Variants in C14orf132 observed in about 807,000 individuals in gnomAD.
C14orf132 encodes uncharacterized protein C14orf132.
A neutral mutation model predicts 5.8 loss-of-function variants in C14orf132; 6 were observed. The observed-to-expected ratio is 1.03, with a 90% confidence interval of 0.57 to 2.04. The LOEUF is 2.04. Among genes scored for constraint, C14orf132 ranks in the 30% most tolerant of loss-of-function variants. The pLI, the probability that C14orf132 is intolerant of heterozygous loss-of-function variation, is 0.00. For synonymous variants in C14orf132, 51 were observed against 49.8 expected, an observed-to-expected ratio of 1.02 and a Z score of -0.10; for missense variants, 125 against 115.8, an observed-to-expected ratio of 1.08 and a Z score of -0.37.
intron 1 of C14orf132, among the ~76,000 whole-genome samples, chr14:96,059,990 G>A (rs1458246784): frequency 6.6e-6 from 1 of 152,172 alleles, no homozygotes; most frequent in African/African-American, 2.4e-5. Context: ...GCTCCCCATA[G>A]TGGTGCCCCA....
Position 96,088,853 on chromosome 14 carries a change from C to T in C14orf132, c.*2118C>T, listed in dbSNP as rs1888292718. On this transcript the variant is annotated 3_prime_UTR_variant, in exon 2 of 2. Transcript: ENST00000555004. ...GGAGGAAAAAGGATGGCTTCTAGCCCTGAAGAGGACTCCAGCATCCCAGGC... is the reference window on the plus strand; with the variant it reads ...GGAGGAAAAAGGATGGCTTCTAGCCTTGAAGAGGACTCCAGCATCCCAGGC... 1.3e-5 allele frequency: 2 copies of T among 152,286 alleles called. No individual in the cohort carries two copies. Among genetic ancestry groups the T allele is most frequent in the Admixed American group, 1.3e-4 (2 of 15,288 alleles). 9.4% of individuals were successfully genotyped at this position (152,286 alleles called of 1,614,324 possible). A position where few individuals can be genotyped will look rare whatever the true frequency, so the allele number is the denominator to read the frequency against.
chr14:96,062,084 AGCTGGTCCGGTCCTTTG>A lies in C14orf132; in HGVS notation c.27+22561_27+22577del, dbSNP rs1887375843. Among the ~76,000 whole-genome samples the A allele has an allele frequency of 2.0e-5, 3 of 152,152 alleles. No individual in the cohort carries two copies. The South Asian group carries it at 6.2e-4, about 32-fold the overall frequency. Reference sequence around the variant, plus strand: ...CTTTCTGAGGATAAACCCTCTATCCAGCTGGTCCGGTCCTTTGGCTCATGTTGAAGTCAAAAGCCCTT... The same window carrying A: ...CTTTCTGAGGATAAACCCTCTATCCAGCTCATGTTGAAGTCAAAAGCCCTT... On this transcript the variant is annotated intron_variant, in intron 1 of 1. Transcript: ENST00000555004.
intron 1 of C14orf132, among the ~76,000 whole-genome samples, chr14:96,066,722 T>C (rs1395249030): frequency 1.3e-5 from 2 of 152,190 alleles, no homozygotes; most frequent in South Asian, 2.1e-4. Context: ...CACAGTTAAC[T>C]ATAATGTAAT....
In C14orf132 at chr14:96,092,834, T is replaced by A. The variant is rs1432521692; in HGVS notation, c.*6099T>A. ...AGGAAGGGCTGGGGGCCATCAGCAA[T>A]GTCTGGAGACATTTTTGATTCTCAC... On this transcript the variant is annotated 3_prime_UTR_variant, in exon 2 of 2. Transcript: ENST00000555004. 2 of 152,214 alleles carry A rather than the reference T, an allele frequency of 1.3e-5. No homozygotes were observed. The highest frequency in any genetic ancestry group is 2.9e-5 in the Non-Finnish European group (2 of 68,054). The allele number at this position is 152,214 out of a possible 1,614,324, so 9.4% of individuals were successfully genotyped here.
intron 1 of C14orf132, among the ~76,000 whole-genome samples, chr14:96,055,722 G>A (rs780624333): frequency 1.1e-4 from 16 of 152,188 alleles, no homozygotes; most frequent in African/African-American, 2.9e-4. Flanking sequence ...CCTCCTCACC[G>A]TGCCTGGTAC....
Position 96,086,851 on chromosome 14 carries a change from C to T in C14orf132, c.*116C>T, listed in dbSNP as rs1888210747. 2 of 1,027,226 alleles carry T rather than the reference C, an allele frequency of 1.9e-6. No individual in the cohort carries two copies. The highest frequency in any genetic ancestry group is 1.6e-5 in the South Asian group (1 of 60,806). 63.6% of individuals were successfully genotyped at this position (1,027,226 alleles called of 1,614,324 possible). A position where few individuals can be genotyped will look rare whatever the true frequency, so the allele number is the denominator to read the frequency against. ...AGGAGTTTTGACCAGGGGCGGCGGC[C>T]GTCCTTCTGGAATTTCTCCCCAGCA... On this transcript the variant is annotated 3_prime_UTR_variant, in exon 2 of 2. Transcript: ENST00000555004.
At chr14:96,069,400 G>A (rs1244241394) in intron 1 of C14orf132, among the ~76,000 whole-genome samples, 1 of 151,362 alleles carries the variant, frequency 6.6e-6, no homozygotes, top group African/African-American at 2.4e-5. Flanking sequence ...AAAGTATACC[G>A]TGATACTCAG....
At chr14:96,072,778 A>C (rs1286358691) in intron 1 of C14orf132, among the ~76,000 whole-genome samples, 1 of 152,200 alleles carries the variant, frequency 6.6e-6, no homozygotes, top group African/African-American at 2.4e-5. Flanking sequence ...AACCTAATGC[A>C]TTTGAGATTC....
intron 1 of C14orf132, among the ~76,000 whole-genome samples, chr14:96,045,879 C>T (rs184919700): frequency 9.9e-5 from 15 of 152,276 alleles, no homozygotes; most frequent in African/African-American, 2.2e-4. Flanking sequence ...TGTTTTTGCC[C>T]GAGTGGCATC....
chr14:96,054,707 T>G (rs777373432), intron 1 of C14orf132, among the ~76,000 whole-genome samples: 1 of 152,318 alleles, frequency 6.6e-6, no homozygotes, highest in Non-Finnish European at 1.5e-5. Context: ...AATGTAGCCA[T>G]TTTCCTCAAC....
intron 1 of C14orf132, among the ~76,000 whole-genome samples, chr14:96,060,411 C>G (rs926384110): frequency 1.3e-5 from 2 of 152,196 alleles, no homozygotes; most frequent in Non-Finnish European, 2.9e-5. Flanking sequence ...GGCACGGTGA[C>G]CACTGACCAG....
rs371905030 is a variant in C14orf132 at position 96,083,391 on chromosome 14, C to T, written c.28-3120C>T. On this transcript the variant is annotated intron_variant, in intron 1 of 1. Coordinates refer to ENST00000555004, the MANE Select transcript of C14orf132 (RefSeq NM_001252507.3). ...GTGATGCCCCCACCAAGGATGTCCA[C>T]GTCCTAACCCCTAGAACCTGTGGAT... is the stretch of plus-strand genomic sequence containing the variant. Among the ~76,000 whole-genome samples, 21 of 152,278 alleles carry T rather than the reference C, an allele frequency of 1.4e-4. No homozygotes were observed. In the East Asian group the frequency reaches 4.1e-3, roughly 29 times the overall value.
At chr14:96,053,098 T>TGGGAG (rs1887075798) in intron 1 of C14orf132, among the ~76,000 whole-genome samples, 23 of 152,332 alleles carry the variant, frequency 1.5e-4, no homozygotes, top group Admixed American at 1.4e-3. Context: ...CTGGGATGGC[T>TGGGAG]GGTCACCCTA....
intron 1 of C14orf132, among the ~76,000 whole-genome samples, chr14:96,074,593 A>G (rs1156531030): frequency 6.6e-6 from 1 of 150,850 alleles, no homozygotes; most frequent in Non-Finnish European, 1.5e-5. Flanking sequence ...TTTGTGTAAG[A>G]GATTGGGTTC....
chr14:96,078,791 C>A (rs976217899), intron 1 of C14orf132, among the ~76,000 whole-genome samples: 2 of 152,214 alleles, frequency 1.3e-5, no homozygotes, highest in Non-Finnish European at 2.9e-5. Context: ...TGCAGTCCTG[C>A]CCGCCCCAGC....
At chr14:96,084,023 G>A (rs149499840) in intron 1 of C14orf132, among the ~76,000 whole-genome samples, 55 of 152,310 alleles carry the variant, frequency 3.6e-4, no homozygotes, top group African/African-American at 1.3e-3. Flanking sequence ...GCTCTGTCCA[G>A]GTTCCCTTCC....
At chr14:96,077,169 G>T (rs1377988562) in intron 1 of C14orf132, among the ~76,000 whole-genome samples, 2 of 152,182 alleles carry the variant, frequency 1.3e-5, no homozygotes, top group African/African-American at 4.8e-5. Context: ...GTTGGTTGAT[G>T]GTGACATTCA....
At position 96,089,302 on chromosome 14, in the gene C14orf132, C is replaced by A. The variant is rs1007407868; in HGVS notation, c.*2567C>A. On this transcript the variant is annotated 3_prime_UTR_variant, in exon 2 of 2. Coordinates refer to ENST00000555004, the MANE Select transcript of C14orf132 (RefSeq NM_001252507.3). ...TTGTGTCCAGGTGCCACTAGACTTGCATGCACACTAACTCCTTACAATCAC... is the reference window on the plus strand; with the variant it reads ...TTGTGTCCAGGTGCCACTAGACTTGAATGCACACTAACTCCTTACAATCAC... 7.2e-5 allele frequency: 11 copies of A among 152,486 alleles called. No homozygotes were observed. The highest frequency in any genetic ancestry group is 2.6e-4 in the African/African-American group (11 of 41,570). 9.4% of individuals were successfully genotyped at this position (152,486 alleles called of 1,614,324 possible). A position where few individuals can be genotyped will look rare whatever the true frequency, so the allele number is the denominator to read the frequency against.
rs988235528 is a variant in C14orf132 at position 96,086,852 on chromosome 14, G to A, written c.*117G>A. 3.9e-5 allele frequency: 40 copies of A among 1,017,592 alleles called. No homozygotes were observed. Among genetic ancestry groups the A allele is most frequent in the African/African-American group, 3.4e-4 (21 of 61,778 alleles). The allele number at this position is 1,017,592 out of a possible 1,614,324, so 63.0% of individuals were successfully genotyped here. ...GGAGTTTTGACCAGGGGCGGCGGCC[G>A]TCCTTCTGGAATTTCTCCCCAGCAG... On this transcript the variant is annotated 3_prime_UTR_variant, in exon 2 of 2. Transcript: ENST00000555004.
Sources: gnomAD v4.1 joint callset for allele counts (sites outside exome capture counted in the v4.1 genomes callset) on GRCh38, gnomAD v4.1.1 for gene constraint, MANE v1.5 for transcripts, NCBI Gene and HGNC (gene_info 2026-07-23, HGNC 2026-07-21) for gene names.